TNRC18: variants seen among roughly 807,000 people sequenced by gnomAD.
TNRC18 encodes trinucleotide repeat-containing gene 18 protein.
TNRC18 carries 69 observed loss-of-function variants against 226.7 expected under a neutral mutation model. The observed-to-expected ratio is 0.30, with a 90% CI of 0.25 to 0.37. The LOEUF (loss-of-function observed/expected upper bound fraction) is 0.37, where lower values mean the gene tolerates loss of function less well. Ranked by LOEUF, TNRC18 falls within the 10% of genes least tolerant of loss-of-function variation. The probability of loss-of-function intolerance (pLI) is 1.00; values close to 1 mark genes in which losing one functional copy is unlikely to be tolerated. For synonymous variants in TNRC18, 2,449 were observed against 1,927.6 expected, an observed-to-expected ratio of 1.27 and a Z score of -7.09; for missense variants, 4,754 against 4,256.6, an observed-to-expected ratio of 1.12 and a Z score of -3.25.
In TNRC18 at chr7:5,308,921, A is replaced by T. The variant is rs1277953751; in HGVS notation, c.8654T>A (p.Leu2885His). ...QHWDQKSSRS[L>H]PAALRVSSQR... ...GCTGGAGACCCGCAGGGCCGCCGGG[A>T]GGCTGCGGCTGGACTTCTGGTCCCA... is the stretch of plus-strand genomic sequence containing the variant. The change falls in exon 29 of 30, where the codon CTC becomes CAC. Residue 2885 changes from leucine to histidine, a missense_variant. Coordinates refer to ENST00000430969, the MANE Select transcript of TNRC18 (RefSeq NM_001080495.3). 1 of 1,382,842 alleles carries T rather than the reference A, an allele frequency of 7.2e-7. No homozygotes were observed. The highest frequency in any genetic ancestry group is 9.6e-7 in the Non-Finnish European group (1 of 1,041,690). 85.7% of individuals were successfully genotyped at this position (1,382,842 alleles called of 1,614,324 possible).
intron 4 of TNRC18, 29 bp downstream of exon 4, chr7:5,390,455 GC>G: frequency 6.2e-7 from 1 of 1,612,424 alleles, no homozygotes. Context: ...AGGCCCCTGT[GC>G]CACCCCCAAC....
intron 2 of TNRC18, chr7:5,420,461 G>A: frequency 4.4e-6 from 2 of 453,416 alleles, no homozygotes; most frequent in Non-Finnish European, 8.9e-6. Flanking sequence ...AGGTTCCCAG[G>A]GCCGCCGTTC....
At chr7:5,375,910 C>T (rs770067008) in intron 9 of TNRC18, 124 bp downstream of exon 9, 26 of 990,984 alleles carry the variant, frequency 2.6e-5, no homozygotes, top group African/African-American at 4.9e-5. Context: ...CCCTCCCTGA[C>T]CACCTGCCCC....
chr7:5,311,046 G>A (rs574806676), intron 27 of TNRC18, among the ~76,000 whole-genome samples: 1 of 152,392 alleles, frequency 6.6e-6, no homozygotes, highest in African/African-American at 2.4e-5. Context: ...GTGTGCATTT[G>A]TGTGGGTGTA....
Position 5,324,006 on chromosome 7 carries a change from C to T in TNRC18, c.6442+208G>A, listed in dbSNP as rs947593447. 1.3e-4 allele frequency among the ~76,000 whole-genome samples: 20 copies of T among 152,228 alleles called. No homozygotes were observed. The highest frequency in any genetic ancestry group is 2.2e-4 in the Non-Finnish European group (15 of 68,044). ...CCTGCCTCCTCCCTGGTCCCAGGGCCGCTCTCTTGCCTCATCTGCAGTTGA... is the reference window on the plus strand; with the variant it reads ...CCTGCCTCCTCCCTGGTCCCAGGGCTGCTCTCTTGCCTCATCTGCAGTTGA... On this transcript the variant is annotated intron_variant, in intron 21 of 29. Coordinates refer to ENST00000430969, the MANE Select transcript of TNRC18 (RefSeq NM_001080495.3). The surrounding 1 kb of genome is among the most constrained non-coding windows in gnomAD (Gnocchi z 4.8).
rs769251664 is a variant in TNRC18, at chr7:5,388,602, C to G, written c.1222G>C (p.Gly408Arg). Residue 408 changes from glycine to arginine, a missense_variant, in exon 5 of 30, where the codon GGG (glycine) becomes CGG (arginine). Gly to Arg is a moderately radical substitution (Grantham distance 125). Transcript: ENST00000430969. The part of the protein sequence containing the change: ...RAREREAGRP[G>R]VLQAPPGSPR... The stretch of plus-strand genomic sequence containing the variant: ...GAGCCGGGGGGCGCCTGCAGGACCC[C>G]TGGCCTGCCAGCCTCGCGCTCGCGG... 211 of 1,295,750 alleles carry G rather than the reference C, an allele frequency of 1.6e-4. No homozygotes were observed. The highest frequency in any genetic ancestry group is 2.0e-4 in the Non-Finnish European group (207 of 1,022,046). The allele number at this position is 1,295,750 out of a possible 1,614,324, so 80.3% of individuals were successfully genotyped here.
chr7:5,355,085 C>A (rs1259936470), intron 16 of TNRC18, among the ~76,000 whole-genome samples: 12 of 152,196 alleles, frequency 7.9e-5, no homozygotes, highest in African/African-American at 2.9e-4. Flanking sequence ...ACCACTGACA[C>A]TGACATGGGC....
At chr7:5,380,990 T>TA (rs909070214) in intron 5 of TNRC18, among the ~76,000 whole-genome samples, 5 of 152,252 alleles carry the variant, frequency 3.3e-5, no homozygotes, top group African/African-American at 7.2e-5. Context: ...GGCAGGCACT[T>TA]AGAGTGCAGC....
chr7:5,332,894 C>G lies in TNRC18; in HGVS notation c.5875G>C (p.Asp1959His). The G allele has an allele frequency of 6.5e-7, 1 of 1,531,346 alleles. No individual in the cohort carries two copies. Among genetic ancestry groups the G allele is most frequent in the Non-Finnish European group, 8.7e-7 (1 of 1,146,830 alleles). 94.9% of individuals were successfully genotyped at this position (1,531,346 alleles called of 1,614,324 possible). The change falls in exon 19 of 30, where the codon GAC becomes CAC. Residue 1959 changes from aspartate to histidine, a missense_variant. Physicochemically the swap from Asp to His is moderately conservative, Grantham distance 81 (BLOSUM62 -1). Coordinates refer to ENST00000430969, the MANE Select transcript of TNRC18 (RefSeq NM_001080495.3). ...TTCTCCACCGCCAGCTTGGCCTTGT[C>G]TGGGCTGCTGGGGTCGGGACCGCGG... ...GARGPDPSSP[D>H]KAKLAVEKGR... is the part of the protein sequence containing the mutation.
intron 19 of TNRC18, among the ~76,000 whole-genome samples, chr7:5,329,175 C>T (rs138920653): frequency 4.9e-4 from 75 of 151,750 alleles, no homozygotes; most frequent in African/African-American, 1.7e-3. Context: ...TGGTGGTGAG[C>T]GCCTGTGATC....
In TNRC18 at chr7:5,388,862, G is replaced by A. The variant is rs1361757960; in HGVS notation, c.962C>T (p.Thr321Met). 3.9e-6 allele frequency: 5 copies of A among 1,280,400 alleles called. No homozygotes were observed. Among genetic ancestry groups the A allele is most frequent in the South Asian group, 1.7e-5 (1 of 58,010 alleles). 79.3% of individuals were successfully genotyped at this position (1,280,400 alleles called of 1,614,324 possible). A position where few individuals can be genotyped will look rare whatever the true frequency, so the allele number is the denominator to read the frequency against. Residue 321 changes from threonine to methionine, a missense_variant, in exon 5 of 30, where the codon ACG becomes ATG. Transcript: ENST00000430969. ...QDEGARLLRR[T>M]ETLLPGPRPC... ...GCGCGGCCCAGGGAGCAGGGTCTCC[G>A]TGCGCCGCAGCAGCCGCGCGCCCTC...
intron 4 of TNRC18, 79 bp downstream of exon 4, chr7:5,390,406 C>T (rs779594764): frequency 8.1e-5 from 116 of 1,432,438 alleles, no homozygotes; most frequent in Admixed American, 2.2e-4. Context: ...GAGCTGGGGG[C>T]TACCTGGATG....
At position 5,307,521 on chromosome 7, in the gene TNRC18, G is replaced by A. The variant is rs775365837; in HGVS notation, c.*585C>T. On this transcript the variant is annotated 3_prime_UTR_variant, in exon 30 of 30. Coordinates refer to ENST00000430969, the MANE Select transcript of TNRC18 (RefSeq NM_001080495.3). ...ACCTGGTGCCTTTGACAGACACTCC[G>A]GGCTGCAACCCCACCCGGCTCTGTT... 103 of 446,808 alleles carry A rather than the reference G, an allele frequency of 2.3e-4. 1 individual carries two copies. Among genetic ancestry groups the A allele is most frequent in the Non-Finnish European group, 3.9e-4 (86 of 222,722 alleles). 27.7% of individuals were successfully genotyped at this position (446,808 alleles called of 1,614,324 possible).
At chr7:5,360,528 C>A in intron 14 of TNRC18, among the ~76,000 whole-genome samples, 1 of 152,180 alleles carries the variant, frequency 6.6e-6, no homozygotes, top group East Asian at 1.9e-4. Flanking sequence ...CCGTGGCCAA[C>A]CTGTGTACTT....
chr7:5,413,376 C>G (rs1252493518), intron 2 of TNRC18, among the ~76,000 whole-genome samples: 2 of 152,094 alleles, frequency 1.3e-5, no homozygotes, highest in African/African-American at 4.8e-5. Flanking sequence ...CTCCCTCCTT[C>G]CCTCCTCTCC....
intron 11 of TNRC18, among the ~76,000 whole-genome samples, chr7:5,364,749 A>C (rs938235856): frequency 4.3e-5 from 6 of 139,654 alleles, no homozygotes; most frequent in Admixed American, 7.7e-5. Context: ...GGTTGCGGGG[A>C]GGCATGATAG....
rs1780073924 is a variant in TNRC18 at position 5,389,136 on chromosome 7, CGCCCCGGGCGCGCGGGTCCTTCTT to C, written c.664_687del (p.Lys222_Gly229del). 7.6e-7 allele frequency: 1 copy of C among 1,317,568 alleles called. No individual in the cohort carries two copies. 81.6% of individuals were successfully genotyped at this position (1,317,568 alleles called of 1,614,324 possible). ...ACGCCCCGTGGCCCCGAGGCCTCCT[CGCCCCGGGCGCGCGGGTCCTTCTT>C]GCCGAAAAGCGGAGGCGGCTCCCCG... On this transcript the variant is annotated inframe_deletion, in exon 5 of 30. Coordinates refer to ENST00000430969, the MANE Select transcript of TNRC18 (RefSeq NM_001080495.3).
Position 5,351,957 on chromosome 7 carries a change from T to C in TNRC18, c.5332A>G (p.Thr1778Ala). Residue 1778 changes from threonine to alanine, a missense_variant, in exon 17 of 30, where the codon ACC becomes GCC. Thr to Ala is a moderately conservative substitution (Grantham distance 58, BLOSUM62 0). Coordinates refer to ENST00000430969, the MANE Select transcript of TNRC18 (RefSeq NM_001080495.3). ...CGGGGGGCCGCCAGGCCCCTCTTGG[T>C]CAGCTTGGGGCCACCAGCTGCCTTG... Reference protein sequence around the residue: ...NSKAAGGPKLTKRGLAAPRTL... With the variant: ...NSKAAGGPKLAKRGLAAPRTL... 3 of 1,613,932 alleles carry C rather than the reference T, an allele frequency of 1.9e-6. No homozygotes were observed. The highest frequency in any genetic ancestry group is 2.5e-6 in the Non-Finnish European group (3 of 1,179,882).
In TNRC18 at chr7:5,370,934, T is replaced by C. The variant is rs1412513181; in HGVS notation, c.3660A>G (p.Pro1220=). ...GTGGTTCAGGCCCCTCCACAAAGTC[T>C]GGACACTCAGAGGGCTCTGCGCAGC... ...GQSCAEPSEC[P]DFVEGPEPRV... The change falls in exon 11 of 30, where the codon CCA becomes CCG. Residue 1220 remains proline (P), a synonymous_variant. Transcript: ENST00000430969. The C allele has an allele frequency of 1.9e-6, 3 of 1,605,256 alleles. No homozygotes were observed. The highest frequency in any genetic ancestry group is 2.5e-6 in the Non-Finnish European group (3 of 1,179,752).
Sources: allele counts gnomAD v4.1 joint callset (sites outside exome capture counted in the v4.1 genomes callset), GRCh38; gene constraint gnomAD v4.1.1; non-coding constraint Gnocchi (gnomAD v3.1); transcripts MANE v1.5; gene names NCBI Gene and HGNC (gene_info 2026-07-23, HGNC 2026-07-21).